The following NCKAP5 variants were observed in gnomAD, a reference collection of about 807,000 sequenced individuals.
NCKAP5 encodes the protein NCK associated protein 5, also known as nck-associated protein 5.
In NCKAP5, 92 loss-of-function variants were observed where a neutral mutation model predicts 167.0. That is an observed-to-expected ratio of 0.55 (90% confidence interval 0.47 to 0.66). The LOEUF (loss-of-function observed/expected upper bound fraction) is 0.66, where lower values mean the gene tolerates loss of function less well. Among genes scored for constraint, NCKAP5 ranks in the 30% least tolerant of loss-of-function variants. The pLI is 0.00. For synonymous variants in NCKAP5, 891 were observed against 877.4 expected (o/e 1.02, Z -0.27); for missense variants, 2,378 against 2,315.0 (o/e 1.03, Z -0.56).
chr2:133,422,979 C>T lies in NCKAP5; in HGVS notation c.69+94479G>A, dbSNP rs151081520. ...CACCGGGAAGCCTAAGAGGCTGCCA[C>T]GGAAAGTCCCGGTATATTTGAATTG... On this transcript the variant is annotated intron_variant, in intron 3 of 19. Coordinates refer to ENST00000409261, the MANE Select transcript of NCKAP5 (RefSeq NM_207363.3). Among the ~76,000 whole-genome samples the T allele has an allele frequency of 4.3e-3, 652 of 152,186 alleles. 4 individuals are homozygous for T. The highest frequency in any genetic ancestry group is 0.017 in the Middle Eastern group (5 of 294).
At chr2:133,292,461 A>G (rs1679668891) in intron 4 of NCKAP5, among the ~76,000 whole-genome samples, 1 of 152,206 alleles carries the variant, frequency 6.6e-6, no homozygotes, top group Non-Finnish European at 1.5e-5. Flanking sequence ...TATTACCCCA[A>G]ATAAATCTAC....
chr2:133,261,090 C>A (rs952690625), intron 4 of NCKAP5, among the ~76,000 whole-genome samples: 6 of 152,052 alleles, frequency 3.9e-5, no homozygotes, highest in African/African-American at 1.4e-4. Flanking sequence ...TGAAAATGAG[C>A]AAAGAACTGA....
chr2:133,368,542 G>C (rs1685596003), intron 3 of NCKAP5, among the ~76,000 whole-genome samples: 1 of 152,112 alleles, frequency 6.6e-6, no homozygotes, highest in Non-Finnish European at 1.5e-5. Flanking sequence ...GTCCCTCAGG[G>C]ACCAAGTGAT....
the NCKAP5 span, among the ~76,000 whole-genome samples, chr2:133,647,695 A>AAGGAAGG: frequency 3.4e-5 from 4 of 117,776 alleles, no homozygotes; most frequent in Non-Finnish European, 7.1e-5. Context: ...AGGAAGGAAG[A>AAGGAAGG]AAGAAGGAAA....
chr2:133,179,744 T>C (rs1001618447), intron 5 of NCKAP5, among the ~76,000 whole-genome samples: 1 of 152,070 alleles, frequency 6.6e-6, no homozygotes, highest in African/African-American at 2.4e-5. Context: ...AATCGTAGCA[T>C]GGAGGTGCAG....
intron 3 of NCKAP5, among the ~76,000 whole-genome samples, chr2:133,467,616 T>G (rs1692701641): frequency 6.6e-6 from 1 of 150,452 alleles, no homozygotes; most frequent in Non-Finnish European, 1.5e-5. Flanking sequence ...TCTGGTAGAA[T>G]TCAGCTATGG....
intron 4 of NCKAP5, among the ~76,000 whole-genome samples, chr2:133,235,137 A>G (rs181728747): frequency 6.6e-6 from 1 of 151,806 alleles, no homozygotes; most frequent in East Asian, 2.0e-4. Flanking sequence ...CATTACTCAC[A>G]CAATTATAAA....
chr2:133,465,920 G>A (rs1692548510), intron 3 of NCKAP5, among the ~76,000 whole-genome samples: 1 of 148,102 alleles, frequency 6.8e-6, no homozygotes, highest in South Asian at 2.2e-4. Context: ...CCCTTTGTCA[G>A]ATGAGTAGGT....
chr2:133,533,357 G>A lies in NCKAP5; in HGVS notation c.-61-15770C>T, dbSNP rs138018278. Among the ~76,000 whole-genome samples the A allele has an allele frequency of 7.0e-4, 106 of 152,346 alleles. 1 individual carries two copies. The highest frequency in any genetic ancestry group is 2.5e-3 in the African/African-American group (102 of 41,584). On this transcript the variant is annotated intron_variant, in intron 2 of 19. Transcript: ENST00000409261. ...TATGTAAAATCTCTCAATGTTTGAA[G>A]ATTAGTTCGGTTTTTAAAAAGTAGT...
rs576785906 is a variant in NCKAP5 at position 132,816,269 on chromosome 2, C to T, written c.808-19540G>A. 8.5e-5 allele frequency among the ~76,000 whole-genome samples: 13 copies of T among 152,118 alleles called. No individual in the cohort carries two copies. The South Asian group carries it at 1.7e-3, about 19-fold the overall frequency. On this transcript the variant is annotated intron_variant, in intron 11 of 19. Coordinates refer to ENST00000409261, the MANE Select transcript of NCKAP5 (RefSeq NM_207363.3). ...CACCTCCACTGAAGAATCACCCTTT[C>T]GGCAGCAAGCTAAAAAAAGTGCAAA...
At chr2:133,361,336 T>C (rs1685092532) in intron 3 of NCKAP5, among the ~76,000 whole-genome samples, 1 of 152,186 alleles carries the variant, frequency 6.6e-6, no homozygotes, top group Non-Finnish European at 1.5e-5. Flanking sequence ...AAGTATTAGG[T>C]TGTCTTGATC....
chr2:132,862,780 C>CAA (rs1169763055), intron 10 of NCKAP5, among the ~76,000 whole-genome samples: 12 of 100,550 alleles, frequency 1.2e-4, no homozygotes, highest in African/African-American at 2.6e-4. Context: ...AAAAAAAAAC[C>CAA]AAAAAAAAAC....
intron 5 of NCKAP5, among the ~76,000 whole-genome samples, chr2:133,172,187 G>A (rs2149994696): frequency 6.6e-6 from 1 of 152,192 alleles, no homozygotes; most frequent in South Asian, 2.1e-4. Flanking sequence ...AAATTCCAAA[G>A]CAAAGCAAAC....
intron 4 of NCKAP5, among the ~76,000 whole-genome samples, chr2:133,285,594 T>A (rs1318708201): frequency 6.6e-6 from 1 of 152,192 alleles, no homozygotes; most frequent in Non-Finnish European, 1.5e-5. Context: ...GAATAAATGA[T>A]CTGAAACCCT....
At chr2:132,878,363 T>C (rs1404067715) in intron 9 of NCKAP5, among the ~76,000 whole-genome samples, 2 of 152,146 alleles carry the variant, frequency 1.3e-5, no homozygotes, top group Non-Finnish European at 2.9e-5. Context: ...TCTACTGATT[T>C]TTTTCCCTCT....
At chr2:133,588,567 A>T in the NCKAP5 span, among the ~76,000 whole-genome samples, 3 of 151,808 alleles carry the variant, frequency 2.0e-5, no homozygotes, top group East Asian at 5.8e-4. Flanking sequence ...ACCTTCTGGG[A>T]GCCACGCACT....
chr2:132,980,967 A>G (rs2077120141), intron 7 of NCKAP5, among the ~76,000 whole-genome samples: 1 of 152,236 alleles, frequency 6.6e-6, no homozygotes, highest in African/African-American at 2.4e-5. Flanking sequence ...CACTTATAGC[A>G]GAAGCTTATT....
intron 11 of NCKAP5, among the ~76,000 whole-genome samples, chr2:132,856,418 A>C (rs1689476968): frequency 6.6e-6 from 1 of 152,156 alleles, no homozygotes; most frequent in Admixed American, 6.5e-5. Flanking sequence ...CAAAAACAAA[A>C]AGTCCGCATT....
At chr2:133,012,735 C>G (rs1447776304) in intron 6 of NCKAP5, among the ~76,000 whole-genome samples, 1 of 152,092 alleles carries the variant, frequency 6.6e-6, no homozygotes, top group East Asian at 1.9e-4. Context: ...TACAGATGGC[C>G]ACACCCCTGT....
Sources: gnomAD v4.1 joint callset for allele counts (sites outside exome capture counted in the v4.1 genomes callset) on GRCh38, gnomAD v4.1.1 for gene constraint, MANE v1.5 for transcripts, NCBI Gene and HGNC (gene_info 2026-07-23, HGNC 2026-07-21) for gene names.